The following PTPRD variants were observed in gnomAD, a reference collection of about 807,000 sequenced individuals.
PTPRD encodes protein tyrosine phosphatase receptor type D.
PTPRD carries 34 observed loss-of-function variants against 214.5 expected under a neutral mutation model. The ratio of observed to expected loss-of-function variants is 0.16; its 90% CI spans 0.12 to 0.21. The LOEUF (loss-of-function observed/expected upper bound fraction) is 0.21, where lower values mean the gene tolerates loss of function less well. PTPRD is among the 10% of genes least tolerant of loss of function. PTPRD has a pLI of 1.00. For missense variants in PTPRD, 2,545 were observed against 2,398.7 expected (o/e 1.06, Z -1.27); for synonymous variants, 1,128 against 845.7 (o/e 1.33, Z -5.79).
intron 12 of PTPRD, among the ~76,000 whole-genome samples, chr9:8,651,875 C>T (rs2096818806): frequency 6.6e-6 from 1 of 152,192 alleles, no homozygotes; most frequent in African/African-American, 2.4e-5. Flanking sequence ...CAAGGTAACA[C>T]TACACGAATA....
intron 8 of PTPRD, among the ~76,000 whole-genome samples, chr9:9,520,808 C>G (rs1177233470): frequency 1.3e-5 from 2 of 152,086 alleles, no homozygotes; most frequent in African/African-American, 4.8e-5. Context: ...AAGCAGTCTA[C>G]GAGTCGTAGA....
At chr9:9,983,138 G>A (rs897833728) in intron 4 of PTPRD, among the ~76,000 whole-genome samples, 2 of 151,928 alleles carry the variant, frequency 1.3e-5, no homozygotes, top group Non-Finnish European at 2.9e-5. Flanking sequence ...CAAATCAAAT[G>A]TACCGATGCT....
intron 44 of PTPRD, among the ~76,000 whole-genome samples, chr9:8,321,515 A>G (rs1429033878): frequency 7.7e-6 from 1 of 130,218 alleles, no homozygotes; most frequent in Non-Finnish European, 1.6e-5. Context: ...ATATATATAT[A>G]TATATATATA....
intron 4 of PTPRD, among the ~76,000 whole-genome samples, chr9:9,980,607 T>A (rs2095506368): frequency 3.6e-5 from 1 of 27,714 alleles, no homozygotes; most frequent in Non-Finnish European, 6.4e-5. Flanking sequence ...AGACACCTTG[T>A]CAAAAAAAAA....
intron 10 of PTPRD, among the ~76,000 whole-genome samples, chr9:9,035,865 T>G (rs2099620098): frequency 6.6e-6 from 1 of 152,130 alleles, no homozygotes; most frequent in Non-Finnish European, 1.5e-5. Context: ...ACTGCATTTG[T>G]GGAGAGAATT....
intron 7 of PTPRD, among the ~76,000 whole-genome samples, chr9:9,600,895 T>G (rs1316057548): frequency 1.3e-5 from 2 of 152,066 alleles, no homozygotes; most frequent in Non-Finnish European, 2.9e-5. Context: ...ACTTGTATAT[T>G]TCATGATATG....
chr9:8,638,105 T>TC (rs921821498), intron 12 of PTPRD, among the ~76,000 whole-genome samples: 5 of 115,980 alleles, frequency 4.3e-5, no homozygotes, highest in Admixed American at 9.6e-5. Flanking sequence ...TGTTCCTTCT[T>TC]TTTTTTTTTT....
At chr9:9,412,354 T>A (rs1287247754) in intron 8 of PTPRD, among the ~76,000 whole-genome samples, 2 of 152,170 alleles carry the variant, frequency 1.3e-5, no homozygotes, top group Non-Finnish European at 2.9e-5. Context: ...TGTTGCCTAA[T>A]TTTCTATGTA....
chr9:8,594,278 A>C (rs1401110684), intron 14 of PTPRD, among the ~76,000 whole-genome samples: 9 of 152,200 alleles, frequency 5.9e-5, no homozygotes, highest in Admixed American at 5.9e-4. Context: ...AAACCAAATA[A>C]ACATAAATCC....
chr9:9,894,977 G>GA (rs922531431), intron 5 of PTPRD, among the ~76,000 whole-genome samples: 5 of 151,806 alleles, frequency 3.3e-5, no homozygotes, highest in African/African-American at 1.2e-4. Flanking sequence ...AATATTTCTA[G>GA]AAAAAATCTT....
chr9:9,996,139 T>C lies in PTPRD; in HGVS notation c.-472+37579A>G, dbSNP rs574049692. The stretch of plus-strand genomic sequence containing the variant: ...AAATATTATCTTTCTACTGTGATTA[T>C]ATGTCATAGAATGTATTGCCCAGAA... On this transcript the variant is annotated intron_variant, in intron 4 of 45. Coordinates refer to ENST00000381196, the MANE Select transcript of PTPRD (RefSeq NM_002839.4). Among the ~76,000 whole-genome samples the C allele has an allele frequency of 2.8e-4, 43 of 152,292 alleles. No individual in the cohort carries two copies. In the South Asian group the frequency reaches 8.7e-3, roughly 31 times the overall value.
rs201245919 is a variant in PTPRD at position 10,316,167 on chromosome 9, G to GTATATATACATATA, written c.-545+24795_-545+24796insTATATGTATATATA. Among the ~76,000 whole-genome samples the GTATATATACATATA allele has an allele frequency of 3.9e-3, 457 of 117,280 alleles. 2 individuals carry two copies. The highest frequency in any genetic ancestry group is 0.015 in the African/African-American group (421 of 28,224). The allele number at this position is 117,280 out of a possible 152,430, so 76.9% of individuals were successfully genotyped here. On this transcript the variant is annotated intron_variant, in intron 3 of 45. Coordinates refer to ENST00000381196, the MANE Select transcript of PTPRD (RefSeq NM_002839.4). ...TACATATGTATATATGTATATCTATGTATATATACATAGATATACATATAT... is the reference window on the plus strand; with the variant it reads ...TACATATGTATATATGTATATCTATGTATATATACATATATATATATACATAGATATACATATAT...
intron 9 of PTPRD, among the ~76,000 whole-genome samples, chr9:9,318,601 A>T (rs554273655): frequency 6.6e-6 from 1 of 152,196 alleles, no homozygotes; most frequent in Non-Finnish European, 1.5e-5. Context: ...AAACGATTTC[A>T]AAGAATTTAA....
chr9:9,738,439 C>CT lies in PTPRD; in HGVS notation c.-325-3869dup, dbSNP rs71319292. Reference sequence around the variant, plus strand: ...TGTATTAAAATTCTTCACTCACTCACTTTTTTTTTTTTTTTTTTTTTTGAG... The same window carrying CT: ...TGTATTAAAATTCTTCACTCACTCACTTTTTTTTTTTTTTTTTTTTTTTGAG... On this transcript the variant is annotated intron_variant, in intron 6 of 45. Coordinates refer to ENST00000381196, the MANE Select transcript of PTPRD (RefSeq NM_002839.4). Among the ~76,000 whole-genome samples, 367 of 76,460 alleles carry CT rather than the reference C, an allele frequency of 4.8e-3. 22 individuals are homozygous for CT. The highest frequency in any genetic ancestry group is 7.3e-3 in the East Asian group (23 of 3,172). 50.2% of individuals were successfully genotyped at this position (76,460 alleles called of 152,430 possible). A position where few individuals can be genotyped will look rare whatever the true frequency, so the allele number is the denominator to read the frequency against.
intron 3 of PTPRD, among the ~76,000 whole-genome samples, chr9:10,125,706 A>G (rs1256689764): frequency 2.7e-5 from 4 of 149,996 alleles, no homozygotes; most frequent in African/African-American, 2.5e-5. Flanking sequence ...CTGGTCTCGA[A>G]CTCCTTTCCT....
intron 3 of PTPRD, among the ~76,000 whole-genome samples, chr9:10,329,368 C>A (rs1341258356): frequency 1.3e-5 from 2 of 151,626 alleles, no homozygotes. Flanking sequence ...TTTTAATGTG[C>A]ATGTTCTAAG....
At chr9:9,907,488 C>T (rs1330416033) in intron 5 of PTPRD, among the ~76,000 whole-genome samples, 2 of 151,848 alleles carry the variant, frequency 1.3e-5, no homozygotes, top group Non-Finnish European at 2.9e-5. Flanking sequence ...CTTACTATGT[C>T]CTCACATGAC....
At chr9:10,554,172 G>T (rs755351094) in intron 2 of PTPRD, among the ~76,000 whole-genome samples, 1 of 152,066 alleles carries the variant, frequency 6.6e-6, no homozygotes, top group Admixed American at 6.6e-5. Context: ...TCTGCATGCC[G>T]TTAAACTCTA....
chr9:9,976,016 A>T (rs1286252303), intron 4 of PTPRD, among the ~76,000 whole-genome samples: 1 of 152,298 alleles, frequency 6.6e-6, no homozygotes, highest in South Asian at 2.1e-4. Context: ...GCTGGAGTAA[A>T]CTAGAACACC....
Sources: allele counts gnomAD v4.1 joint callset (sites outside exome capture counted in the v4.1 genomes callset), GRCh38; gene constraint gnomAD v4.1.1; transcripts MANE v1.5; gene names NCBI Gene and HGNC (gene_info 2026-07-23, HGNC 2026-07-21).